Variants in ACVR1B observed in about 807,000 individuals in gnomAD.
ACVR1B encodes activin A receptor type 1B, also known as activin receptor type-1B.
A neutral mutation model predicts 55.6 loss-of-function variants in ACVR1B; 15 were observed. That is an observed-to-expected ratio of 0.27 (90% CI 0.18 to 0.42). ACVR1B has a LOEUF of 0.42. Among genes scored for constraint, ACVR1B ranks in the 10% least tolerant of loss-of-function variants. The pLI is 1.00. For synonymous variants in ACVR1B, 247 were observed against 254.6 expected (o/e 0.97, Z 0.28); for missense variants, 359 against 670.1 (o/e 0.54, Z 5.13).
rs938727933 is a variant in ACVR1B at position 51,995,506 on chromosome 12, A to G, written c.*1396A>G. The G allele has an allele frequency of 6.6e-6, 1 of 152,588 alleles. No individual in the cohort carries two copies. Among genetic ancestry groups the G allele is most frequent in the Non-Finnish European group, 1.5e-5 (1 of 68,026 alleles). The allele number at this position is 152,588 out of a possible 1,614,324, so 9.5% of individuals were successfully genotyped here. On this transcript the variant is annotated 3_prime_UTR_variant, in exon 9 of 9. Coordinates refer to ENST00000257963, the MANE Select transcript of ACVR1B (RefSeq NM_004302.5). ...CTGTGGGTGGTGATTTGGTCAGCAT[A>G]TCTTAGGTATATAATAACTTTGAAG...
chr12:51,965,572 G>A (rs1393729947), intron 1 of ACVR1B, among the ~76,000 whole-genome samples: 1 of 152,152 alleles, frequency 6.6e-6, no homozygotes, highest in Admixed American at 6.5e-5. Flanking sequence ...GGAGGATGCG[G>A]CTGCATCAAA....
intron 7 of ACVR1B, chr12:51,987,706 G>A (rs1942108324): frequency 6.5e-6 from 1 of 153,196 alleles, no homozygotes; most frequent in South Asian, 2.0e-4. Context: ...TACAGAGAAG[G>A]TTAGCATGGC....
At chr12:51,966,057 T>A (rs1941633867) in intron 1 of ACVR1B, among the ~76,000 whole-genome samples, 1 of 149,412 alleles carries the variant, frequency 6.7e-6, no homozygotes, top group Admixed American at 6.7e-5. Context: ...AAGAGGAAAA[T>A]ACTACTAAAA....
chr12:51,979,636 C>G (rs991667601), intron 3 of ACVR1B, among the ~76,000 whole-genome samples: 1 of 152,132 alleles, frequency 6.6e-6, no homozygotes, highest in Non-Finnish European at 1.5e-5. Flanking sequence ...GCATGATGTG[C>G]TTGTGCTGGG....
rs1201053434 is a variant in ACVR1B, at chr12:51,951,760, G to C, written c.17G>C (p.Gly6Ala). The change falls in exon 1 of 9, where the codon GGA (glycine) becomes GCA (alanine). Residue 6 changes from glycine to alanine, a missense_variant. Coordinates refer to ENST00000257963, the MANE Select transcript of ACVR1B (RefSeq NM_004302.5). The part of the protein sequence containing the change: MAESA[G>A]ASSFFPLVVL... ...GTGGTTACTATGGCGGAGTCGGCCG[G>C]AGCCTCCTCCTTCTTCCCCCTTGTT... 6.2e-6 allele frequency: 8 copies of C among 1,285,002 alleles called. No homozygotes were observed. Among genetic ancestry groups the C allele is most frequent in the Non-Finnish European group, 7.9e-6 (8 of 1,007,714 alleles). 79.6% of individuals were successfully genotyped at this position (1,285,002 alleles called of 1,614,324 possible).
intron 1 of ACVR1B, among the ~76,000 whole-genome samples, chr12:51,963,470 G>A (rs181116751): frequency 6.6e-6 from 1 of 152,200 alleles, no homozygotes; most frequent in Non-Finnish European, 1.5e-5. Flanking sequence ...GGTTTCGACT[G>A]TAAGTGATCC....
rs1264731792 is a variant in ACVR1B, at chr12:51,996,474, GGGGGGACCGT to G, written c.*2365_*2374del. ...TTCGTTTAAATACCATTGTGTCATTGGGGGGACCGTCTTTACCCCTGCTGACCTCCCACCT... is the reference window on the plus strand; with the variant it reads ...TTCGTTTAAATACCATTGTGTCATTGCTTTACCCCTGCTGACCTCCCACCT... On this transcript the variant is annotated 3_prime_UTR_variant, in exon 9 of 9. Coordinates refer to ENST00000257963, the MANE Select transcript of ACVR1B (RefSeq NM_004302.5). 6.6e-6 allele frequency: 1 copy of G among 152,548 alleles called. No individual in the cohort carries two copies. Among genetic ancestry groups the G allele is most frequent in the Non-Finnish European group, 1.5e-5 (1 of 68,036 alleles). The allele number at this position is 152,548 out of a possible 1,614,324, so 9.4% of individuals were successfully genotyped here.
intron 4 of ACVR1B, chr12:51,982,677 AAAC>A: frequency 6.6e-7 from 1 of 1,513,150 alleles, no homozygotes. Context: ...TTCATTCCTG[AAAC>A]AACAGCAGAC....
At chr12:51,958,744 C>T (rs953541788) in intron 1 of ACVR1B, among the ~76,000 whole-genome samples, 2 of 152,150 alleles carry the variant, frequency 1.3e-5, no homozygotes, top group African/African-American at 2.4e-5. Context: ...CGCGGTTCAC[C>T]GTAGGTTTCC....
At chr12:51,952,450 C>T (rs925857966) in intron 1 of ACVR1B, among the ~76,000 whole-genome samples, 1 of 152,158 alleles carries the variant, frequency 6.6e-6, no homozygotes, top group Non-Finnish European at 1.5e-5. Flanking sequence ...TCACTCAATC[C>T]CTTGAGTTCA....
At chr12:51,972,337 C>T (rs929173683) in intron 1 of ACVR1B, among the ~76,000 whole-genome samples, 2 of 152,222 alleles carry the variant, frequency 1.3e-5, no homozygotes, top group Non-Finnish European at 2.9e-5. Flanking sequence ...TGAGGGACCA[C>T]ACTGTTACAT....
chr12:51,970,906 T>G (rs1042312395), intron 1 of ACVR1B, among the ~76,000 whole-genome samples: 1 of 152,038 alleles, frequency 6.6e-6, no homozygotes, highest in Non-Finnish European at 1.5e-5. Flanking sequence ...TTCAAAAAAG[T>G]TTTAGGTGCG....
At chr12:51,972,647 A>G (rs547956489) in intron 1 of ACVR1B, among the ~76,000 whole-genome samples, 1 of 152,322 alleles carries the variant, frequency 6.6e-6, no homozygotes, top group African/African-American at 2.4e-5. Context: ...CATGTGGTTA[A>G]TATTAAAGCT....
intron 1 of ACVR1B, among the ~76,000 whole-genome samples, chr12:51,961,277 A>G (rs898574481): frequency 6.6e-6 from 1 of 152,148 alleles, no homozygotes; most frequent in Non-Finnish European, 1.5e-5. Context: ...TGCATGTTTC[A>G]AGTACTTAAT....
intron 1 of ACVR1B, among the ~76,000 whole-genome samples, chr12:51,962,539 T>G (rs12809597): frequency 0.26 from 39,246 of 152,088 alleles, 5,520 homozygotes; most frequent in Non-Finnish European, 0.32. Context: ...AAATAGCATG[T>G]GATTGCTTTA....
chr12:51,990,312 CTTT>C (rs71092738), intron 7 of ACVR1B, among the ~76,000 whole-genome samples: 3 of 89,582 alleles, frequency 3.3e-5, no homozygotes, highest in Non-Finnish European at 2.0e-5. Flanking sequence ...AAATTTAGTG[CTTT>C]TTTTTTTTTT....
At chr12:51,968,855 G>A (rs1392793899) in intron 1 of ACVR1B, among the ~76,000 whole-genome samples, 1 of 152,210 alleles carries the variant, frequency 6.6e-6, no homozygotes, top group Non-Finnish European at 1.5e-5. Context: ...GCTCATTGGA[G>A]CATCTTGATT....
intron 4 of ACVR1B, chr12:51,982,590 T>G (rs1942000319): frequency 7.5e-7 from 1 of 1,336,936 alleles, no homozygotes; most frequent in Non-Finnish European, 9.8e-7. Context: ...CTAGCAGTTG[T>G]GACATGACTT....
chr12:51,953,807 A>G (rs1044488940), intron 1 of ACVR1B, among the ~76,000 whole-genome samples: 109 of 152,244 alleles, frequency 7.2e-4, no homozygotes, highest in African/African-American at 2.3e-3. Context: ...GTGGTTCTGA[A>G]TGGGGCAGAG....
Sources: gnomAD v4.1 joint callset for allele counts (sites outside exome capture counted in the v4.1 genomes callset) on GRCh38, gnomAD v4.1.1 for gene constraint, MANE v1.5 for transcripts, NCBI Gene and HGNC (gene_info 2026-07-23, HGNC 2026-07-21) for gene names.